The following WDR17 variants were observed in gnomAD, a reference collection of about 807,000 sequenced individuals.
The protein encoded by WDR17 is WD repeat-containing protein 17.
Under a neutral mutation model 161.7 loss-of-function variants are expected in WDR17, and 143 were observed. The ratio of observed to expected loss-of-function variants is 0.88; its 90% CI spans 0.77 to 1.02. The LOEUF (loss-of-function observed/expected upper bound fraction) is 1.02. Ranked by LOEUF, WDR17 falls within the 50% of genes least tolerant of loss-of-function variation. The probability of loss-of-function intolerance (pLI) is 0.00; values close to 1 mark genes in which losing one functional copy is unlikely to be tolerated. For missense variants in WDR17, 1,469 were observed against 1,520.9 expected, an observed-to-expected ratio of 0.97 and a Z score of 0.57; for synonymous variants, 517 against 515.6, an observed-to-expected ratio of 1.00 and a Z score of -0.04.
intron 6 of WDR17, among the ~76,000 whole-genome samples, chr4:176,131,148 A>G (rs999915142): frequency 5.3e-5 from 8 of 152,114 alleles, no homozygotes; most frequent in African/African-American, 1.9e-4. Context: ...GTTGGCAGAG[A>G]GTTATTTATA....
intron 22 of WDR17, among the ~76,000 whole-genome samples, chr4:176,167,358 A>G (rs1221497472): frequency 6.6e-6 from 1 of 152,140 alleles, no homozygotes; most frequent in African/African-American, 2.4e-5. Flanking sequence ...TTTAAAAACA[A>G]TATCTTGGCC....
intron 1 of WDR17, among the ~76,000 whole-genome samples, chr4:176,079,851 T>C (rs1734516335): frequency 6.6e-6 from 1 of 151,214 alleles, no homozygotes; most frequent in Admixed American, 6.6e-5. Flanking sequence ...CGAGGGGGGG[T>C]GAGCATGCTA....
Position 176,115,784 on chromosome 4 carries a change from A to C in WDR17, c.124-12A>C. On this transcript the variant is annotated splice_polypyrimidine_tract_variant and intron_variant, in intron 2 of 28. Transcript: ENST00000508596. ...GAGCACTAAAATATTTTATTTATAT[A>C]TTTTGTTTTAGTTGGATCACCGTTA... 6.4e-7 allele frequency: 1 copy of C among 1,563,026 alleles called. No individual in the cohort carries two copies. Among genetic ancestry groups the C allele is most frequent in the Non-Finnish European group, 8.7e-7 (1 of 1,154,620 alleles).
At chr4:176,104,771 T>A (rs542419825) in intron 1 of WDR17, among the ~76,000 whole-genome samples, 2 of 152,086 alleles carry the variant, frequency 1.3e-5, no homozygotes, top group South Asian at 4.2e-4. Context: ...AATTCAAAGT[T>A]TCACTGCAAA....
chr4:176,142,231 T>C (rs1295246209), intron 11 of WDR17, among the ~76,000 whole-genome samples, 162 bp downstream of exon 11: 1 of 152,244 alleles, frequency 6.6e-6, no homozygotes, highest in Non-Finnish European at 1.5e-5. Flanking sequence ...GCTCATTTAT[T>C]TTAGTTATTT....
Position 176,173,309 on chromosome 4 carries a change from C to G in WDR17, c.3287C>G (p.Pro1096Arg). ...SSDWTLDTIY[P>R]VLDLLSYIRT... The stretch of plus-strand genomic sequence containing the variant: ...GACTGGACTTTGGATACCATATACC[C>G]TGTTCTTGACCTACTGAGCTATATT... The change falls in exon 25 of 29, where the codon CCT becomes CGT. Residue 1096 changes from proline (P) to arginine (R), a missense_variant. Physicochemically the swap from Pro to Arg is moderately radical, Grantham distance 103 (BLOSUM62 -2). Coordinates refer to ENST00000508596, the MANE Select transcript of WDR17 (RefSeq NM_181265.4). 6.2e-7 allele frequency: 1 copy of G among 1,613,228 alleles called. No homozygotes were observed. Among genetic ancestry groups the G allele is most frequent in the Non-Finnish European group, 8.5e-7 (1 of 1,179,698 alleles).
chr4:176,066,386 T>C (rs1732531236), intron 1 of WDR17, among the ~76,000 whole-genome samples: 1 of 152,204 alleles, frequency 6.6e-6, no homozygotes, highest in South Asian at 2.1e-4. Flanking sequence ...GGCTATTAAG[T>C]ATATGTCTAG....
At chr4:176,106,786 TCAA>T (rs1402115310) in intron 1 of WDR17, among the ~76,000 whole-genome samples, 2 of 152,032 alleles carry the variant, frequency 1.3e-5, no homozygotes, top group Non-Finnish European at 2.9e-5. Flanking sequence ...AGACTCTGTT[TCAA>T]CAACAACAGA....
chr4:176,130,724 A>G (rs12505375), intron 6 of WDR17, among the ~76,000 whole-genome samples: 6,616 of 150,770 alleles, frequency 0.044, 173 homozygotes, highest in East Asian at 0.13. Context: ...CAGCCCGGGC[A>G]ACAGAGCGAG....
chr4:176,150,885 T>C (rs1030362377), intron 16 of WDR17, among the ~76,000 whole-genome samples: 3 of 152,216 alleles, frequency 2.0e-5, no homozygotes, highest in African/African-American at 7.2e-5. Context: ...ACATGTGGAC[T>C]ATTCTAATTT....
At chr4:176,165,052 C>T (rs1749567946) in intron 22 of WDR17, among the ~76,000 whole-genome samples, 1 of 144,888 alleles carries the variant, frequency 6.9e-6, no homozygotes, top group Non-Finnish European at 1.5e-5. Context: ...AAGGGCCAAG[C>T]ACAGTGGCTC....
At chr4:176,092,057 A>G (rs1034078516) in intron 1 of WDR17, among the ~76,000 whole-genome samples, 5 of 152,184 alleles carry the variant, frequency 3.3e-5, no homozygotes, top group African/African-American at 9.6e-5. Flanking sequence ...AAATTATTCT[A>G]TAAAATAGAG....
intron 11 of WDR17, 82 bp downstream of exon 11, chr4:176,142,151 A>T (rs1265218729): frequency 8.8e-7 from 1 of 1,142,134 alleles, no homozygotes; most frequent in Non-Finnish European, 1.3e-6. Flanking sequence ...GCTATTTCCA[A>T]AGGTAATATC....
chr4:176,143,970 G>A (rs1465790692), intron 11 of WDR17, among the ~76,000 whole-genome samples: 1 of 149,532 alleles, frequency 6.7e-6, no homozygotes, highest in African/African-American at 2.4e-5. Flanking sequence ...CTACAAGAAG[G>A]TCCCTGAATA....
chr4:176,088,033 A>G (rs1333555223), intron 1 of WDR17, among the ~76,000 whole-genome samples: 1 of 151,990 alleles, frequency 6.6e-6, no homozygotes, highest in East Asian at 1.9e-4. Flanking sequence ...TAGTAGAGAC[A>G]GGTTTTCACC....
intron 22 of WDR17, among the ~76,000 whole-genome samples, chr4:176,165,941 C>T (rs141579001): frequency 1.2e-3 from 176 of 152,272 alleles, no homozygotes; most frequent in Middle Eastern, 6.8e-3. Flanking sequence ...CAGGAGAAAG[C>T]TGTAATCCTC....
chr4:176,093,410 C>A (rs1006878448), intron 1 of WDR17, among the ~76,000 whole-genome samples: 1 of 152,104 alleles, frequency 6.6e-6, no homozygotes, highest in Admixed American at 6.6e-5. Context: ...GGAGAAATCA[C>A]AGAGTACTTG....
intron 1 of WDR17, 181 bp from the exon 2 acceptor site, chr4:176,111,394 A>T (rs1739711716): frequency 2.5e-5 from 11 of 442,830 alleles, no homozygotes; most frequent in Non-Finnish European, 3.3e-5. Context: ...AGTTGCCTTG[A>T]TGTCTGCAGA....
chr4:176,087,561 T>G (rs1384880401), intron 1 of WDR17, among the ~76,000 whole-genome samples: 1 of 152,104 alleles, frequency 6.6e-6, no homozygotes, highest in African/African-American at 2.4e-5. Flanking sequence ...TTCTCATTCT[T>G]TATCTCTCTT....
Sources: gnomAD v4.1 joint callset for allele counts (sites outside exome capture counted in the v4.1 genomes callset) on GRCh38, gnomAD v4.1.1 for gene constraint, MANE v1.5 for transcripts, NCBI Gene and HGNC (gene_info 2026-07-23, HGNC 2026-07-21) for gene names.